KLF10: variants seen among roughly 807,000 people sequenced by gnomAD.
KLF10 encodes the protein KLF transcription factor 10.
KLF10 carries 17 observed loss-of-function variants against 31.6 expected under a neutral mutation model. The ratio of observed to expected loss-of-function variants is 0.54; its 90% confidence interval spans 0.37 to 0.81. KLF10 has a LOEUF of 0.81. Among genes scored for constraint, KLF10 ranks in the 30% least tolerant of loss-of-function variants. The pLI is 0.00. For missense variants in KLF10, 525 were observed against 598.1 expected, an observed-to-expected ratio of 0.88 and a Z score of 1.27; for synonymous variants, 239 against 215.1, an observed-to-expected ratio of 1.11 and a Z score of -0.97.
chr8:102,652,701 A>G (rs1280630200), intron 1 of KLF10, among the ~76,000 whole-genome samples: 2 of 152,176 alleles, frequency 1.3e-5, no homozygotes, highest in Non-Finnish European at 2.9e-5. Context: ...ACCTACTACC[A>G]TTAAGGGGAC....
Position 102,652,033 on chromosome 8 carries a change from T to C in KLF10, c.299A>G (p.Asp100Gly). ...FCLTPPYSPS[D>G]FEPSQVSNLM... ...ATTTGACACTTGAGAGGGTTCAAAG[T>C]CAGAAGGACTGTAAGGTGGAGTCAA... The change falls in exon 3 of 4, where the codon GAC becomes GGC. Residue 100 changes from aspartate (D) to glycine (G), a missense_variant. Physicochemically the swap from Asp to Gly is moderately conservative, Grantham distance 94. Coordinates refer to ENST00000285407, the MANE Select transcript of KLF10 (RefSeq NM_005655.4). The C allele has an allele frequency of 6.2e-7, 1 of 1,610,064 alleles. No individual in the cohort carries two copies. The highest frequency in any genetic ancestry group is 8.5e-7 in the Non-Finnish European group (1 of 1,178,272).
In KLF10 at chr8:102,651,406, C is replaced by T. The variant is rs1827205171; in HGVS notation, c.926G>A (p.Gly309Asp). The change falls in exon 3 of 4, where the codon GGC becomes GAC. Residue 309 changes from glycine to aspartate, a missense_variant. Transcript: ENST00000285407. ...PAVCPPVVFM[G>D]TQVPKGAVMF... ...GACAGCGCCTTTGGGGACTTGTGTGCCCATGAACACAACAGGGGGGCAAAC... is the reference window on the plus strand; with the variant it reads ...GACAGCGCCTTTGGGGACTTGTGTGTCCATGAACACAACAGGGGGGCAAAC... The T allele has an allele frequency of 8.7e-6, 14 of 1,611,288 alleles. No individual in the cohort carries two copies. Among genetic ancestry groups the T allele is most frequent in the Non-Finnish European group, 1.2e-5 (14 of 1,178,474 alleles).
At position 102,655,696 on chromosome 8, in the gene KLF10, CCCG is replaced by C. The variant is rs990375292; in HGVS notation, c.-98_-96del. 6.6e-5 allele frequency: 93 copies of C among 1,400,728 alleles called. No homozygotes were observed. Among genetic ancestry groups the C allele is most frequent in the Non-Finnish European group, 8.3e-5 (84 of 1,006,546 alleles). The allele number at this position is 1,400,728 out of a possible 1,614,324, so 86.8% of individuals were successfully genotyped here. A position where few individuals can be genotyped will look rare whatever the true frequency, so the allele number is the denominator to read the frequency against. Reference sequence around the variant, plus strand: ...GCGCACGGAGACACTCGACGCCGCTCCCGCCGCCGCCGCGCTCAGCGCCGTCTG... The same window carrying C: ...GCGCACGGAGACACTCGACGCCGCTCCCGCCGCCGCGCTCAGCGCCGTCTG... On this transcript the variant is annotated 5_prime_UTR_variant, in exon 1 of 4. Transcript: ENST00000285407.
chr8:102,655,006 G>A (rs904920068), intron 1 of KLF10, among the ~76,000 whole-genome samples: 23 of 151,912 alleles, frequency 1.5e-4, no homozygotes, highest in African/African-American at 2.4e-5. Flanking sequence ...TATCTGCTGA[G>A]CAGCCCCCGT....
chr8:102,654,900 A>C (rs957689875), intron 1 of KLF10, among the ~76,000 whole-genome samples: 2 of 151,676 alleles, frequency 1.3e-5, no homozygotes, highest in African/African-American at 4.9e-5. Context: ...CCCCCTCCAG[A>C]CGTCTGGGGG....
intron 1 of KLF10, chr8:102,653,656 C>T: frequency 7.6e-7 from 1 of 1,317,796 alleles, no homozygotes; most frequent in Non-Finnish European, 9.6e-7. Flanking sequence ...TGAAATATCG[C>T]TAACAATATA....
rs749187145 is a variant in KLF10, at chr8:102,652,149, A to G, written c.270+15T>C. On this transcript the variant is annotated intron_variant, in intron 2 of 3. Coordinates refer to ENST00000285407, the MANE Select transcript of KLF10 (RefSeq NM_005655.4). Reference sequence around the variant, plus strand: ...TTATATAATTTACGTCTATCTTAAAAACAATAATACTTACAAATGCTGGGA... The same window carrying G: ...TTATATAATTTACGTCTATCTTAAAGACAATAATACTTACAAATGCTGGGA... 2.5e-5 allele frequency: 38 copies of G among 1,528,248 alleles called. No individual in the cohort carries two copies. The Admixed American group carries it at 5.9e-4, about 24-fold the overall frequency. The allele number at this position is 1,528,248 out of a possible 1,614,324, so 94.7% of individuals were successfully genotyped here.
At chr8:102,655,518 C>G (rs200549867) in intron 1 of KLF10, 48 bp downstream of exon 1, 3 of 1,612,668 alleles carry the variant, frequency 1.9e-6, no homozygotes, top group Admixed American at 1.7e-5. Flanking sequence ...TTTGGCCCCC[C>G]AGACAAGACC....
chr8:102,653,702 A>C, intron 1 of KLF10: 1 of 1,242,896 alleles, frequency 8.0e-7, no homozygotes, highest in Non-Finnish European at 1.0e-6. Flanking sequence ...GTAAGCTGCA[A>C]TGGACAGCGC....
chr8:102,650,436 T>C (rs568877680), intron 3 of KLF10, 45 bp from the exon 4 acceptor site: 2 of 1,570,548 alleles, frequency 1.3e-6, no homozygotes, highest in South Asian at 2.3e-5. Context: ...AAGATTGCCG[T>C]AAATTATATG....
chr8:102,654,797 G>C (rs1347154637), intron 1 of KLF10, among the ~76,000 whole-genome samples: 1 of 148,324 alleles, frequency 6.7e-6, no homozygotes, highest in African/African-American at 2.5e-5. Context: ...CCCAGCTGCT[G>C]GGTCCCGCTT....
At chr8:102,653,742 T>C in intron 1 of KLF10, 2 of 1,151,186 alleles carry the variant, frequency 1.7e-6, no homozygotes, top group Non-Finnish European at 2.1e-6. Context: ...AAGACGCCAA[T>C]GCAAAAAAAG....
chr8:102,652,408 A>G lies in KLF10; in HGVS notation c.37-11T>C. Reference sequence around the variant, plus strand: ...TTCCATTCTTTCCTCCTATAAAAACAAAAGAGGAAAGCTTATAAGCATATT... The same window carrying G: ...TTCCATTCTTTCCTCCTATAAAAACGAAAGAGGAAAGCTTATAAGCATATT... On this transcript the variant is annotated splice_polypyrimidine_tract_variant and intron_variant, in intron 1 of 3. Transcript: ENST00000285407. The G allele has an allele frequency of 6.6e-7, 1 of 1,508,608 alleles. No homozygotes were observed. The highest frequency in any genetic ancestry group is 9.0e-7 in the Non-Finnish European group (1 of 1,105,674). 93.5% of individuals were successfully genotyped at this position (1,508,608 alleles called of 1,614,324 possible). A position where few individuals can be genotyped will look rare whatever the true frequency, so the allele number is the denominator to read the frequency against.
At chr8:102,654,428 A>C (rs1295577311) in intron 1 of KLF10, 1 of 150,252 alleles carries the variant, frequency 6.7e-6, no homozygotes, top group Non-Finnish European at 1.5e-5. Flanking sequence ...GGGCTGGGTC[A>C]CTCGGGGACG....
chr8:102,655,606 GGCTGCTTGGCC>G lies in KLF10; in HGVS notation c.-16_-6del. The G allele has an allele frequency of 6.2e-7, 1 of 1,614,052 alleles. No individual in the cohort carries two copies. On this transcript the variant is annotated 5_prime_UTR_variant, in exon 1 of 4. Transcript: ENST00000285407. ...AGAGGCACCGAAGTTGAGCATGGTT[GGCTGCTTGGCC>G]GCCGGCGGCAAGCTGACTGGCTGCT...
rs780781902 is a variant in KLF10 at position 102,652,347 on chromosome 8, G to C, written c.87C>G (p.Ser29=). The C allele has an allele frequency of 6.2e-7, 1 of 1,611,314 alleles. No homozygotes were observed. Among genetic ancestry groups the C allele is most frequent in the South Asian group, 1.1e-5 (1 of 90,800 alleles). ...ISERPKESMY[S]WNKTAEKSDF... is the part of the protein sequence containing the mutation. ...CACTTTTCTCTGCAGTTTTGTTCCAGGAATACATACTCTCTTTTGGCCTTT... is the reference window on the plus strand; with the variant it reads ...CACTTTTCTCTGCAGTTTTGTTCCACGAATACATACTCTCTTTTGGCCTTT... Residue 29 remains serine, a synonymous_variant, in exon 2 of 4, where the codon TCC becomes TCG. Coordinates refer to ENST00000285407, the MANE Select transcript of KLF10 (RefSeq NM_005655.4).
In KLF10 at chr8:102,650,176, G is replaced by A. The variant is rs762662397; in HGVS notation, c.1399C>T (p.Leu467=). 8 of 1,614,126 alleles carry A rather than the reference G, an allele frequency of 5.0e-6. No individual in the cohort carries two copies. In the East Asian group the frequency reaches 1.8e-4, roughly 36 times the overall value. The change falls in exon 4 of 4, where the codon CTA becomes TTA. Residue 467 remains leucine, a synonymous_variant. Coordinates refer to ENST00000285407, the MANE Select transcript of KLF10 (RefSeq NM_005655.4). ...GTTGGAGGTAGAGCAATGTCATTTA[G>A]CTTGCTCACTTCCATCTGCCAGTTT... is the stretch of plus-strand genomic sequence containing the variant. ...LPNWQMEVSK[L]NDIALPPTPA...
At chr8:102,655,417 G>C in intron 1 of KLF10, 149 bp downstream of exon 1, 1 of 980,184 alleles carries the variant, frequency 1.0e-6, no homozygotes, top group East Asian at 2.4e-5. Flanking sequence ...CCCATAGTCT[G>C]CAGGCAGGAA....
At chr8:102,652,469 A>G (rs1257049173) in intron 1 of KLF10, 72 bp from the exon 2 acceptor site, 3 of 660,514 alleles carry the variant, frequency 4.5e-6, no homozygotes, top group African/African-American at 5.5e-5. Flanking sequence ...AAAATGAGCA[A>G]ATTTTTTTTT....
Sources: gnomAD v4.1 joint callset for allele counts (sites outside exome capture counted in the v4.1 genomes callset) on GRCh38, gnomAD v4.1.1 for gene constraint, MANE v1.5 for transcripts, NCBI Gene and HGNC (gene_info 2026-07-23, HGNC 2026-07-21) for gene names.